Variants in ACTN1 observed in about 807,000 individuals in gnomAD.
ACTN1 encodes alpha-actinin-1.
A neutral mutation model predicts 119.6 loss-of-function variants in ACTN1; 30 were observed. The ratio of observed to expected loss-of-function variants is 0.25; its 90% CI spans 0.19 to 0.34. The LOEUF is 0.34. Ranked by LOEUF, ACTN1 falls within the 10% of genes least tolerant of loss-of-function variation. The probability of loss-of-function intolerance (pLI) is 1.00; values close to 1 mark genes in which losing one functional copy is unlikely to be tolerated. For missense variants in ACTN1, 764 were observed against 1,223.4 expected, an observed-to-expected ratio of 0.62 and a Z score of 5.60; for synonymous variants, 429 against 472.6, an observed-to-expected ratio of 0.91 and a Z score of 1.20.
chr14:68,906,960 C>CA (rs2033698279), intron 6 of ACTN1, among the ~76,000 whole-genome samples: 1 of 150,990 alleles, frequency 6.6e-6, no homozygotes, highest in African/African-American at 2.4e-5. Flanking sequence ...TTCATCTCTA[C>CA]AAAAAAATTA....
At position 68,961,122 on chromosome 14, in the gene ACTN1, C is replaced by T. The variant is rs572054700; in HGVS notation, c.105+17830G>A. On this transcript the variant is annotated intron_variant, in intron 1 of 21. Coordinates refer to ENST00000394419, the MANE Select transcript of ACTN1 (RefSeq NM_001130004.2). Reference sequence around the variant, plus strand: ...ATACACGAGACTTTTAATATATCCACCTCAAATGCTTTTTGGAAAGAGGCA... The same window carrying T: ...ATACACGAGACTTTTAATATATCCATCTCAAATGCTTTTTGGAAAGAGGCA... 1.2e-4 allele frequency among the ~76,000 whole-genome samples: 18 copies of T among 152,258 alleles called. No individual in the cohort carries two copies. The East Asian group carries it at 3.5e-3, about 29-fold the overall frequency.
chr14:68,928,887 C>G (rs1466731181), intron 1 of ACTN1, among the ~76,000 whole-genome samples: 2 of 152,190 alleles, frequency 1.3e-5, no homozygotes, highest in East Asian at 3.9e-4. Context: ...TGACAACATG[C>G]GAGCTCTTTT....
Position 68,880,202 on chromosome 14 carries a change from C to A in ACTN1, c.2134-94G>T. 1 of 1,484,944 alleles carries A rather than the reference C, an allele frequency of 6.7e-7. No homozygotes were observed. The highest frequency in any genetic ancestry group is 9.1e-7 in the Non-Finnish European group (1 of 1,102,452). 92.0% of individuals were successfully genotyped at this position (1,484,944 alleles called of 1,614,324 possible). ...CCTACTCCCCAACCATCAAAATGGCCAAAGCCATCAAACTTGGCCTTCTGT... is the reference window on the plus strand; with the variant it reads ...CCTACTCCCCAACCATCAAAATGGCAAAAGCCATCAAACTTGGCCTTCTGT... On this transcript the variant is annotated intron_variant, in intron 17 of 21. Coordinates refer to ENST00000394419, the MANE Select transcript of ACTN1 (RefSeq NM_001130004.2). This position sits in a 1 kb window ranked among gnomAD's most constrained non-coding sequence, Gnocchi z 4.6.
chr14:68,901,489 C>A (rs909795179), intron 8 of ACTN1, among the ~76,000 whole-genome samples: 5 of 152,112 alleles, frequency 3.3e-5, no homozygotes, highest in African/African-American at 1.2e-4. Flanking sequence ...CTCAAGTGAT[C>A]CGCCTGCCTT....
In ACTN1 at chr14:68,874,695, T is replaced by G. The variant is rs1478409640; in HGVS notation, c.*164A>C. On this transcript the variant is annotated 3_prime_UTR_variant, in exon 22 of 22. Coordinates refer to ENST00000394419, the MANE Select transcript of ACTN1 (RefSeq NM_001130004.2). ...TTTTTCTTTTTTGCAGAAAATAATT[T>G]TGTAAACTGTCACTTCGCGGGCAGG... The G allele has an allele frequency of 5.1e-6, 3 of 593,680 alleles. No individual in the cohort carries two copies. The highest frequency in any genetic ancestry group is 7.6e-6 in the Non-Finnish European group (3 of 395,758). The allele number at this position is 593,680 out of a possible 1,614,324, so 36.8% of individuals were successfully genotyped here.
chr14:68,880,037 G>T lies in ACTN1; in HGVS notation c.2205C>A (p.Ile735=). The part of the protein sequence containing the change: ...ARTINEVENQ[I]LTRDAKGISQ... ...TGATGCCCTTGGCATCCCGGGTCAG[G>T]ATCTGGTTCTCTACCTCATTGATGG... is the stretch of plus-strand genomic sequence containing the variant. The change falls in exon 18 of 22, where the codon ATC becomes ATA. Residue 735 remains isoleucine, a synonymous_variant. Transcript: ENST00000394419. This position sits in a 1 kb window ranked among gnomAD's most constrained non-coding sequence, Gnocchi z 4.6. The T allele has an allele frequency of 6.2e-7, 1 of 1,614,204 alleles. No homozygotes were observed. The highest frequency in any genetic ancestry group is 8.5e-7 in the Non-Finnish European group (1 of 1,180,008).
Position 68,879,640 on chromosome 14 carries a change from C to T in ACTN1, c.2280+322G>A, listed in dbSNP as rs1248427986. Among the ~76,000 whole-genome samples the T allele has an allele frequency of 1.3e-5, 2 of 152,184 alleles. No homozygotes were observed. The highest frequency in any genetic ancestry group is 2.9e-5 in the Non-Finnish European group (2 of 68,004). ...GGCAGGAGGAGTCTCTTCTGCTCCT[C>T]TGTCTCCACAGCCAGGGAGCAGCAA... On this transcript the variant is annotated intron_variant, in intron 18 of 21. Transcript: ENST00000394419. This position sits in a 1 kb window ranked among gnomAD's most constrained non-coding sequence, Gnocchi z 4.9.
intron 2 of ACTN1, among the ~76,000 whole-genome samples, chr14:68,921,672 T>C (rs1006222122): frequency 1.3e-5 from 2 of 152,178 alleles, no homozygotes; most frequent in Admixed American, 1.3e-4. Flanking sequence ...GAACAGTACA[T>C]GCAAAGGCCC....
chr14:68,893,750 G>A lies in ACTN1; in HGVS notation c.763-3C>T, dbSNP rs759057844. ...ATGCGATTGGCTGCTGTCTCCGCCT[G>A]GCAACAAGACAGAGAGAGTCACGAC... On this transcript the variant is annotated splice_polypyrimidine_tract_variant and splice_region_variant and intron_variant, in intron 8 of 21. Transcript: ENST00000394419. 2 of 1,613,580 alleles carry A rather than the reference G, an allele frequency of 1.2e-6. No individual in the cohort carries two copies. The highest frequency in any genetic ancestry group is 2.2e-5 in the South Asian group (2 of 91,068).
intron 1 of ACTN1, among the ~76,000 whole-genome samples, chr14:68,963,501 AC>A (rs1309239643): frequency 6.6e-6 from 1 of 152,224 alleles, no homozygotes; most frequent in African/African-American, 2.4e-5. Context: ...GAGTAGATGA[AC>A]TAGGGCTGGC....
At chr14:68,924,932 G>A (rs983108058) in intron 2 of ACTN1, among the ~76,000 whole-genome samples, 2 of 152,196 alleles carry the variant, frequency 1.3e-5, no homozygotes, top group Non-Finnish European at 2.9e-5. Context: ...ACATTGGGGT[G>A]GAGACGCCCA....
intron 1 of ACTN1, among the ~76,000 whole-genome samples, chr14:68,952,030 C>T (rs1325705456): frequency 6.6e-6 from 1 of 152,186 alleles, no homozygotes; most frequent in Non-Finnish European, 1.5e-5. Context: ...GCAAAACAAA[C>T]AGTAGCCAAA....
At chr14:68,920,954 C>T in intron 3 of ACTN1, 52 bp downstream of exon 3, 3 of 1,604,916 alleles carry the variant, frequency 1.9e-6, no homozygotes, top group East Asian at 2.2e-5. Context: ...CCAAGAGAAC[C>T]AGGGGGACAA....
intron 1 of ACTN1, among the ~76,000 whole-genome samples, chr14:68,952,531 AGAAG>A (rs1265328221): frequency 4.6e-5 from 7 of 152,184 alleles, no homozygotes; most frequent in Admixed American, 2.0e-4. Flanking sequence ...TCAAAGAATG[AGAAG>A]GAAGGTAGAT....
intron 1 of ACTN1, among the ~76,000 whole-genome samples, chr14:68,929,100 G>A (rs899418972): frequency 1.6e-4 from 25 of 152,138 alleles, no homozygotes; most frequent in Non-Finnish European, 2.9e-4. Flanking sequence ...TGGTGCGTTC[G>A]TGGGAGAGGG....
intron 3 of ACTN1, among the ~76,000 whole-genome samples, chr14:68,915,037 T>C (rs997489050): frequency 1.3e-5 from 2 of 152,180 alleles, no homozygotes; most frequent in Non-Finnish European, 2.9e-5. Context: ...GGTTCCTGAA[T>C]GAATGCACTT....
chr14:68,937,289 T>C (rs2035575021), intron 1 of ACTN1, among the ~76,000 whole-genome samples: 1 of 152,192 alleles, frequency 6.6e-6, no homozygotes, highest in Non-Finnish European at 1.5e-5. Context: ...TTAATTGTTA[T>C]GTCAGACCTC....
At chr14:68,910,714 A>T (rs145864062) in intron 4 of ACTN1, among the ~76,000 whole-genome samples, 1 of 152,126 alleles carries the variant, frequency 6.6e-6, no homozygotes, top group Non-Finnish European at 1.5e-5. Context: ...TGTAGCTCCC[A>T]TAATTCCCAC....
intron 3 of ACTN1, among the ~76,000 whole-genome samples, chr14:68,918,692 G>C (rs1202151705): frequency 3.3e-5 from 5 of 151,688 alleles, no homozygotes; most frequent in Non-Finnish European, 5.9e-5. Context: ...TCAGGAGATA[G>C]AGACCATCCT....
Sources: allele counts gnomAD v4.1 joint callset (sites outside exome capture counted in the v4.1 genomes callset), GRCh38; gene constraint gnomAD v4.1.1; non-coding constraint Gnocchi (gnomAD v3.1); transcripts MANE v1.5; gene names NCBI Gene and HGNC (gene_info 2026-07-23, HGNC 2026-07-21).